CNTN3: variants seen among roughly 807,000 people sequenced by gnomAD.
CNTN3 encodes contactin-3.
A neutral mutation model predicts 119.1 loss-of-function variants in CNTN3; 60 were observed. The observed-to-expected ratio is 0.50, with a 90% CI of 0.41 to 0.62. CNTN3 has a LOEUF of 0.62. Among genes scored for constraint, CNTN3 ranks in the 20% least tolerant of loss-of-function variants. The pLI is 0.00. For synonymous variants in CNTN3, 450 were observed against 438.7 expected, an observed-to-expected ratio of 1.03 and a Z score of -0.32; for missense variants, 1,101 against 1,242.4, an observed-to-expected ratio of 0.89 and a Z score of 1.71.
At chr3:74,329,408 T>G (rs1575730202) in intron 13 of CNTN3, among the ~76,000 whole-genome samples, 1 of 152,332 alleles carries the variant, frequency 6.6e-6, no homozygotes, top group South Asian at 2.1e-4. Context: ...ACACCTTGGC[T>G]CTAGACATTC....
At chr3:74,342,643 A>G (rs1484202872) in intron 11 of CNTN3, among the ~76,000 whole-genome samples, 2 of 152,238 alleles carry the variant, frequency 1.3e-5, no homozygotes, top group Non-Finnish European at 2.9e-5. Flanking sequence ...AAAGTCAACA[A>G]TAAAGGAACA....
At chr3:74,403,323 C>T (rs1705244569) in intron 5 of CNTN3, among the ~76,000 whole-genome samples, 1 of 152,080 alleles carries the variant, frequency 6.6e-6, no homozygotes. Flanking sequence ...AAGAATAGAG[C>T]TCATGTGATA....
chr3:74,614,535 A>C lies in CNTN3; in HGVS notation c.-225T>G, dbSNP rs1204270411. ...CGCCCGCGTAAGCCGCCGCCGCCGC[A>C]GGCGCAGCACCCTCGTCCGCACGGT... On this transcript the variant is annotated 5_prime_UTR_variant, in exon 1 of 23. Transcript: ENST00000263665. Among the ~76,000 whole-genome samples the C allele has an allele frequency of 6.9e-6, 1 of 145,704 alleles. No individual in the cohort carries two copies. Among genetic ancestry groups the C allele is most frequent in the Non-Finnish European group, 1.5e-5 (1 of 65,938 alleles).
intron 1 of CNTN3, among the ~76,000 whole-genome samples, chr3:74,561,440 C>A (rs1049490949): frequency 1.3e-5 from 2 of 152,150 alleles, no homozygotes; most frequent in Non-Finnish European, 2.9e-5. Flanking sequence ...CATCCAGATC[C>A]CAGTGGCTGC....
At chr3:74,439,503 A>C (rs184999657) in intron 4 of CNTN3, among the ~76,000 whole-genome samples, 105 of 152,266 alleles carry the variant, frequency 6.9e-4, no homozygotes, top group African/African-American at 2.5e-3. Flanking sequence ...TGATCATCTA[A>C]AGTTGCATAT....
At chr3:74,423,547 T>C (rs1701649699) in intron 5 of CNTN3, among the ~76,000 whole-genome samples, 1 of 152,182 alleles carries the variant, frequency 6.6e-6, no homozygotes, top group Non-Finnish European at 1.5e-5. Flanking sequence ...GGTGTATCTC[T>C]TCGTAAAACC....
At chr3:74,508,529 A>C (rs1703306021) in intron 2 of CNTN3, among the ~76,000 whole-genome samples, 1 of 152,172 alleles carries the variant, frequency 6.6e-6, no homozygotes, top group South Asian at 2.1e-4. Flanking sequence ...AATTATCATC[A>C]TGATTAATTG....
intron 1 of CNTN3, among the ~76,000 whole-genome samples, chr3:74,614,090 C>T (rs116493445): frequency 6.6e-6 from 1 of 152,258 alleles, no homozygotes; most frequent in Non-Finnish European, 1.5e-5. Context: ...CCAACTTTAA[C>T]TGGTCAAATC....
At chr3:74,301,890 C>G in intron 14 of CNTN3, 85 bp from the exon 15 acceptor site, 1 of 1,435,440 alleles carries the variant, frequency 7.0e-7, no homozygotes, top group Non-Finnish European at 9.6e-7. Context: ...TGTCACATGA[C>G]CACTTCAATA....
At chr3:74,296,208 C>A (rs1702335328) in intron 18 of CNTN3, among the ~76,000 whole-genome samples, 1 of 152,102 alleles carries the variant, frequency 6.6e-6, no homozygotes, top group Non-Finnish European at 1.5e-5. Flanking sequence ...CATGTTTGAA[C>A]AGAAAGACTT....
intron 1 of CNTN3, 27 bp from the exon 2 acceptor site, chr3:74,521,219 CG>C: frequency 2.7e-5 from 8 of 301,374 alleles, no homozygotes; most frequent in Non-Finnish European, 3.5e-5. Flanking sequence ...CAAAGAAGTT[CG>C]TTAAAAAAAA....
At chr3:74,340,478 C>T (rs1012644229) in intron 11 of CNTN3, among the ~76,000 whole-genome samples, 2 of 152,028 alleles carry the variant, frequency 1.3e-5, no homozygotes, top group East Asian at 1.9e-4. Flanking sequence ...GATTAAGAGC[C>T]ATGCTCCCAA....
At chr3:74,379,338 T>C (rs1704556456) in intron 5 of CNTN3, among the ~76,000 whole-genome samples, 1 of 152,142 alleles carries the variant, frequency 6.6e-6, no homozygotes, top group Admixed American at 6.5e-5. Context: ...GTATTTTTAG[T>C]AGAGACGGGG....
chr3:74,299,371 G>T (rs529676538), intron 17 of CNTN3, among the ~76,000 whole-genome samples: 1 of 152,188 alleles, frequency 6.6e-6, no homozygotes, highest in African/African-American at 2.4e-5. Context: ...GTAAACCAAT[G>T]GCTGGGAGAA....
chr3:74,519,790 G>A (rs1220182344), intron 2 of CNTN3, among the ~76,000 whole-genome samples: 1 of 151,758 alleles, frequency 6.6e-6, no homozygotes, highest in South Asian at 2.1e-4. Flanking sequence ...CTCAGTACTT[G>A]ATGAGTAGCA....
intron 1 of CNTN3, among the ~76,000 whole-genome samples, chr3:74,552,818 A>G (rs1704011351): frequency 6.6e-6 from 1 of 151,648 alleles, no homozygotes; most frequent in South Asian, 2.1e-4. Flanking sequence ...CTCCTTCACA[A>G]GCTCTCTCTC....
chr3:74,398,747 G>A (rs1442272618), intron 5 of CNTN3, among the ~76,000 whole-genome samples: 1 of 152,272 alleles, frequency 6.6e-6, no homozygotes. Context: ...TATTAGCCAG[G>A]CCTTAAAGAC....
intron 5 of CNTN3, among the ~76,000 whole-genome samples, chr3:74,394,810 A>G (rs1005245281): frequency 1.1e-5 from 1 of 88,624 alleles, no homozygotes; most frequent in Non-Finnish European, 2.3e-5. Context: ...ATGACTTTTA[A>G]TCTTAGAAGA....
At chr3:74,390,403 G>C (rs1704869037) in intron 5 of CNTN3, among the ~76,000 whole-genome samples, 2 of 131,296 alleles carry the variant, frequency 1.5e-5, no homozygotes, top group African/African-American at 5.5e-5. Flanking sequence ...AAGGCTATTT[G>C]ATGACAGAAT....
Sources: gnomAD v4.1 joint callset for allele counts (sites outside exome capture counted in the v4.1 genomes callset) on GRCh38, gnomAD v4.1.1 for gene constraint, MANE v1.5 for transcripts, NCBI Gene and HGNC (gene_info 2026-07-23, HGNC 2026-07-21) for gene names.